Variants in WIPF3 observed in about 807,000 individuals in gnomAD.
WIPF3 encodes WAS/WASL interacting protein family member 3, also known as WAS/WASL-interacting protein family member 3.
WIPF3 carries 33 observed loss-of-function variants against 38.9 expected under a neutral mutation model. The ratio of observed to expected loss-of-function variants is 0.85; its 90% CI spans 0.64 to 1.14. WIPF3 has a LOEUF of 1.14. Among genes scored for constraint, WIPF3 ranks in the 50% most tolerant of loss-of-function variants. The probability of loss-of-function intolerance (pLI) is 0.00; values close to 1 mark genes in which losing one functional copy is unlikely to be tolerated. For missense variants in WIPF3, 711 were observed against 652.5 expected (o/e 1.09, Z -0.98); for synonymous variants, 324 against 269.3 (o/e 1.20, Z -1.99).
At chr7:29,864,068 G>A (rs1470022919) in intron 2 of WIPF3, among the ~76,000 whole-genome samples, 1 of 152,122 alleles carries the variant, frequency 6.6e-6, no homozygotes, top group East Asian at 1.9e-4. Context: ...CCATTATGAT[G>A]GTCAGTGAGA....
intron 1 of WIPF3, among the ~76,000 whole-genome samples, chr7:29,826,612 TTTATTC>T (rs1399119816): frequency 6.6e-6 from 1 of 152,222 alleles, no homozygotes; most frequent in Non-Finnish European, 1.5e-5. Flanking sequence ...AGATCCTGTG[TTTATTC>T]TTATTATTAC....
intron 7 of WIPF3, among the ~76,000 whole-genome samples, chr7:29,897,087 T>C (rs1202372481): frequency 6.6e-6 from 1 of 152,266 alleles, no homozygotes. Flanking sequence ...TTATATAGCA[T>C]TAGTTTTTTT....
rs1786401374 is a variant in WIPF3, at chr7:29,906,553, G to C, written c.1428+2191G>C. On this transcript the variant is annotated intron_variant, in intron 8 of 8. Transcript: ENST00000242140. ...GAGACCTGTGGGAGACCATCTAGCA[G>C]ATTAACACGCTTATTGTGGGAGTTC... Among the ~76,000 whole-genome samples, 3 of 152,146 alleles carry C rather than the reference G, an allele frequency of 2.0e-5. No homozygotes were observed. In the South Asian group the frequency reaches 6.2e-4, roughly 32 times the overall value.
At chr7:29,904,446 A>T (rs4722959) in intron 8 of WIPF3, 84 bp downstream of exon 8, 1,007,090 of 1,382,912 alleles carry the variant, frequency 0.73, 370,431 homozygotes, top group East Asian at 0.87. Flanking sequence ...GCTTTCTCCT[A>T]AACAGCTTTA....
intron 8 of WIPF3, among the ~76,000 whole-genome samples, chr7:29,913,302 G>A (rs1309831011): frequency 1.4e-5 from 2 of 143,784 alleles, no homozygotes; most frequent in African/African-American, 2.6e-5. Flanking sequence ...CTGAGATCAC[G>A]CCATTGCACT....
chr7:29,808,613 G>A (rs1025309100), intron 1 of WIPF3, among the ~76,000 whole-genome samples: 1 of 152,100 alleles, frequency 6.6e-6, no homozygotes, highest in African/African-American at 2.4e-5. Context: ...TCCTTTAGGA[G>A]TCTCTGTTTT....
intron 2 of WIPF3, among the ~76,000 whole-genome samples, chr7:29,843,913 A>G (rs1310619284): frequency 6.6e-6 from 1 of 151,978 alleles, no homozygotes; most frequent in East Asian, 2.0e-4. Flanking sequence ...GCCCATGCTG[A>G]GCTCCACATC....
intron 8 of WIPF3, among the ~76,000 whole-genome samples, chr7:29,913,170 A>G (rs560751960): frequency 6.6e-6 from 1 of 152,250 alleles, no homozygotes; most frequent in South Asian, 2.1e-4. Context: ...AACATGGAGA[A>G]ACCCCATCTC....
chr7:29,830,307 A>G (rs1784697589), intron 1 of WIPF3, among the ~76,000 whole-genome samples: 1 of 151,828 alleles, frequency 6.6e-6, no homozygotes, highest in Non-Finnish European at 1.5e-5. Context: ...AGCCACCTTT[A>G]TGGGGTTTCT....
chr7:29,902,975 T>G (rs764771713), intron 7 of WIPF3, among the ~76,000 whole-genome samples: 1 of 152,144 alleles, frequency 6.6e-6, no homozygotes, highest in Non-Finnish European at 1.5e-5. Context: ...ACAAATTCAT[T>G]TCTCCAAAAT....
chr7:29,815,345 T>C (rs1784439741), intron 1 of WIPF3, among the ~76,000 whole-genome samples: 1 of 152,240 alleles, frequency 6.6e-6, no homozygotes, highest in Non-Finnish European at 1.5e-5. Context: ...TTGCTGTTGT[T>C]CTGGTTTTCA....
chr7:29,844,810 G>C lies in WIPF3; in HGVS notation c.90+9996G>C, dbSNP rs912283632. 6.6e-6 allele frequency among the ~76,000 whole-genome samples: 1 copy of C among 152,180 alleles called. No individual in the cohort carries two copies. Among genetic ancestry groups the C allele is most frequent in the Non-Finnish European group, 1.5e-5 (1 of 68,036 alleles). On this transcript the variant is annotated intron_variant, in intron 2 of 8. Coordinates refer to ENST00000242140, the MANE Select transcript of WIPF3 (RefSeq NM_001080529.3). The surrounding 1 kb of genome is among the most constrained non-coding windows in gnomAD (Gnocchi z 4.8). ...GAGCTAACTCAGGCACTGGGGGCAC[G>C]TCACTTACTGGGCAGGGCTATTATT...
At chr7:29,868,741 G>A (rs1785437350) in intron 2 of WIPF3, among the ~76,000 whole-genome samples, 1 of 152,014 alleles carries the variant, frequency 6.6e-6, no homozygotes, top group Non-Finnish European at 1.5e-5. Flanking sequence ...TATGTGGTAT[G>A]GCCTGTTGCT....
chr7:29,912,910 G>A (rs1335126927), intron 8 of WIPF3, among the ~76,000 whole-genome samples: 2 of 151,912 alleles, frequency 1.3e-5, no homozygotes, highest in African/African-American at 4.8e-5. Context: ...GAGATTAGAG[G>A]GAAAAAGAAA....
rs1203765914 is a variant in WIPF3 at position 29,806,672 on chromosome 7, C to T, written c.-64C>T. 1 of 151,572 alleles carries T rather than the reference C, an allele frequency of 6.6e-6. No homozygotes were observed. The highest frequency in any genetic ancestry group is 1.5e-5 in the Non-Finnish European group (1 of 67,918). 9.4% of individuals were successfully genotyped at this position (151,572 alleles called of 1,614,324 possible). A position where few individuals can be genotyped will look rare whatever the true frequency, so the allele number is the denominator to read the frequency against. On this transcript the variant is annotated 5_prime_UTR_variant, in exon 1 of 9. Transcript: ENST00000242140. ...TCCAGTCCAGCCCCCGGCTCCGCCA[C>T]CTGCAGGTAGCGGCTTCCCGCGCGG...
intron 2 of WIPF3, among the ~76,000 whole-genome samples, chr7:29,855,770 CCTTT>C (rs1785178844): frequency 6.6e-6 from 1 of 152,136 alleles, no homozygotes; most frequent in African/African-American, 2.4e-5. Context: ...TCACTCCTGC[CCTTT>C]CTTTGTCTCC....
At position 29,884,478 on chromosome 7, in the gene WIPF3, TA is replaced by T; in HGVS notation, c.987del (p.Lys329AsnfsTer45). ...SSETPPPLPP[K>X]SPSFQAPPQK... The stretch of plus-strand genomic sequence containing the variant: ...GTGAAACTCCACCCCCGCTACCCCC[TA>T]AATCCCCCAGCTTCCAGGCCCCACC... On this transcript the variant is annotated frameshift_variant, in exon 5 of 9. Coordinates refer to ENST00000242140, the MANE Select transcript of WIPF3 (RefSeq NM_001080529.3). LOFTEE classifies it high-confidence loss of function. 1 of 1,450,108 alleles carries T rather than the reference TA, an allele frequency of 6.9e-7. No homozygotes were observed. Among genetic ancestry groups the T allele is most frequent in the Non-Finnish European group, 9.2e-7 (1 of 1,092,740 alleles). The allele number at this position is 1,450,108 out of a possible 1,614,324, so 89.8% of individuals were successfully genotyped here.
intron 2 of WIPF3, among the ~76,000 whole-genome samples, chr7:29,861,910 A>G (rs932882262): frequency 6.6e-6 from 1 of 152,256 alleles, no homozygotes; most frequent in African/African-American, 2.4e-5. Context: ...AAGATTCACC[A>G]GAGTTTTCAG....
At chr7:29,867,711 G>T (rs75283390) in intron 2 of WIPF3, among the ~76,000 whole-genome samples, 4,846 of 151,944 alleles carry the variant, frequency 0.032, 90 homozygotes, top group South Asian at 0.084. Flanking sequence ...GAATGGTGCG[G>T]AATTGAATTC....
Sources: gnomAD v4.1 joint callset for allele counts (sites outside exome capture counted in the v4.1 genomes callset) on GRCh38, gnomAD v4.1.1 for gene constraint, Gnocchi (gnomAD v3.1) non-coding constraint, MANE v1.5 for transcripts, NCBI Gene and HGNC (gene_info 2026-07-23, HGNC 2026-07-21) for gene names.